PICALM: variants seen among roughly 807,000 people sequenced by gnomAD.
The protein encoded by PICALM is phosphatidylinositol binding clathrin assembly protein.
In PICALM, 40 loss-of-function variants were observed where a neutral mutation model predicts 80.5. The ratio of observed to expected loss-of-function variants is 0.50; its 90% CI spans 0.39 to 0.65. The LOEUF is 0.65. PICALM is among the 30% of genes least tolerant of loss of function. PICALM has a pLI of 0.00. For synonymous variants in PICALM, 288 were observed against 260.3 expected, an observed-to-expected ratio of 1.11 and a Z score of -1.02; for missense variants, 676 against 778.9, an observed-to-expected ratio of 0.87 and a Z score of 1.57.
intron 7 of PICALM, among the ~76,000 whole-genome samples, chr11:86,008,189 AAGAT>A (rs1162203969): frequency 4.6e-5 from 7 of 152,204 alleles, no homozygotes; most frequent in Non-Finnish European, 8.8e-5. Flanking sequence ...CCAGCAAAAA[AAGAT>A]AGAAACGGTT....
At chr11:85,976,512 G>A in intron 18 of PICALM, 111 bp downstream of exon 18, 2 of 677,164 alleles carry the variant, frequency 3.0e-6, no homozygotes, top group Non-Finnish European at 5.4e-6. Flanking sequence ...TTAGGCACTA[G>A]GGCTAGGAGT....
chr11:86,019,148 TA>T (rs2095527100), intron 4 of PICALM, among the ~76,000 whole-genome samples: 1 of 152,178 alleles, frequency 6.6e-6, no homozygotes, highest in African/African-American at 2.4e-5. Flanking sequence ...AAAATCTTAA[TA>T]AATCAAACTT....
At chr11:86,013,914 C>T (rs2095439378) in intron 5 of PICALM, among the ~76,000 whole-genome samples, 1 of 152,124 alleles carries the variant, frequency 6.6e-6, no homozygotes, top group Non-Finnish European at 1.5e-5. Flanking sequence ...GGCTGTGTTC[C>T]AATAATACTA....
chr11:86,050,265 C>T (rs80234261), intron 1 of PICALM, among the ~76,000 whole-genome samples: 3,013 of 150,256 alleles, frequency 0.02, 105 homozygotes, highest in African/African-American at 0.07. Context: ...CACAAAAGGC[C>T]CCCCCAAAAA....
At chr11:86,040,400 C>T (rs936711289) in intron 1 of PICALM, among the ~76,000 whole-genome samples, 2 of 151,728 alleles carry the variant, frequency 1.3e-5, no homozygotes, top group Non-Finnish European at 2.9e-5. Context: ...AGGTCTCCCC[C>T]TCTGTTGCCC....
intron 18 of PICALM, 147 bp from the exon 19 acceptor site, chr11:85,974,959 G>T (rs1353134004): frequency 8.3e-6 from 5 of 605,104 alleles, no homozygotes; most frequent in Non-Finnish European, 1.5e-5. Context: ...AAGACTAACA[G>T]CTACAAACTT....
intron 17 of PICALM, among the ~76,000 whole-genome samples, chr11:85,979,042 T>A (rs1286221275): frequency 6.6e-6 from 1 of 152,144 alleles, no homozygotes; most frequent in East Asian, 1.9e-4. Context: ...AACTTAAATC[T>A]GCTTTTCAAC....
chr11:86,056,597 A>G (rs2096273578), intron 1 of PICALM, among the ~76,000 whole-genome samples: 1 of 152,196 alleles, frequency 6.6e-6, no homozygotes, highest in Non-Finnish European at 1.5e-5. Flanking sequence ...AGTGTCACTG[A>G]TGTGGAAAAC....
At chr11:86,005,144 A>T (rs761390569) in intron 8 of PICALM, among the ~76,000 whole-genome samples, 1 of 152,220 alleles carries the variant, frequency 6.6e-6, no homozygotes, top group Admixed American at 6.5e-5. Flanking sequence ...TCTGTCCAAG[A>T]TCACATATCT....
rs1230673300 is a variant in PICALM at position 85,996,861 on chromosome 11, A to G, written c.1223T>C (p.Met408Thr). 1 of 1,612,220 alleles carries G rather than the reference A, an allele frequency of 6.2e-7. No individual in the cohort carries two copies. Among genetic ancestry groups the G allele is most frequent in the Non-Finnish European group, 8.5e-7 (1 of 1,178,522 alleles). ...QPTFHPSVHP[M>T]STASQVASTW... is the part of the protein sequence containing the mutation. ...ACTTGCTACCTGAGAAGCAGTTGACATAGGATGTACAGATGGGTGAAAAGT... is the reference window on the plus strand; with the variant it reads ...ACTTGCTACCTGAGAAGCAGTTGACGTAGGATGTACAGATGGGTGAAAAGT... Residue 408 changes from methionine (M) to threonine (T), a missense_variant, in exon 12 of 20, where the codon ATG (methionine) becomes ACG (threonine). By Grantham distance (81) the Met-to-Thr change is moderately conservative. This residue lies in a region of PICALM where 391 missense variants were observed against 383.6 expected (regional missense o/e 1.02). Transcript: ENST00000393346.
At chr11:85,997,033 GAA>G in intron 11 of PICALM, 104 bp from the exon 12 acceptor site, 1 of 611,794 alleles carries the variant, frequency 1.6e-6, no homozygotes, top group South Asian at 2.1e-5. Flanking sequence ...AAACAAGGGA[GAA>G]AAGTCTCATT....
intron 13 of PICALM, 147 bp downstream of exon 13, chr11:85,990,103 T>A: frequency 3.1e-6 from 1 of 320,686 alleles, no homozygotes; most frequent in Non-Finnish European, 5.6e-6. Flanking sequence ...TTTAAAAACC[T>A]CACTACATTA....
intron 2 of PICALM, among the ~76,000 whole-genome samples, chr11:86,029,391 T>C (rs1289721550): frequency 2.0e-5 from 3 of 152,152 alleles, no homozygotes; most frequent in East Asian, 1.9e-4. Context: ...CAAACTAGCA[T>C]AAAAACCTGA....
intron 1 of PICALM, among the ~76,000 whole-genome samples, chr11:86,050,381 G>A (rs1484472511): frequency 6.6e-6 from 1 of 151,938 alleles, no homozygotes; most frequent in Admixed American, 6.6e-5. Flanking sequence ...GGTTGTCACT[G>A]GTACACAAAA....
chr11:86,048,233 G>A (rs2137244892), intron 1 of PICALM, among the ~76,000 whole-genome samples: 1 of 152,300 alleles, frequency 6.6e-6, no homozygotes, highest in South Asian at 2.1e-4. Context: ...GCTGCCAGTT[G>A]CAATTCTATA....
chr11:86,050,204 CAAA>C (rs766728047), intron 1 of PICALM, among the ~76,000 whole-genome samples: 2 of 81,812 alleles, frequency 2.4e-5, no homozygotes. Context: ...GACTCTGTCT[CAAA>C]AAAAAAAAAA....
At chr11:86,062,839 A>C (rs1341294419) in intron 1 of PICALM, among the ~76,000 whole-genome samples, 1 of 152,192 alleles carries the variant, frequency 6.6e-6, no homozygotes, top group African/African-American at 2.4e-5. Flanking sequence ...GAAACGTATA[A>C]AGCAGTTTAA....
intron 13 of PICALM, among the ~76,000 whole-genome samples, chr11:85,989,977 T>C (rs952731829): frequency 4.4e-5 from 6 of 136,894 alleles, no homozygotes; most frequent in African/African-American, 1.1e-4. Flanking sequence ...AGCTAGAGTA[T>C]TGCACTATAA....
intron 4 of PICALM, 110 bp from the exon 5 acceptor site, chr11:86,015,073 G>C: frequency 1.5e-6 from 1 of 646,342 alleles, no homozygotes; most frequent in Non-Finnish European, 2.6e-6. Flanking sequence ...GCTATGAAAT[G>C]TCACATATTT....
Sources: gnomAD v4.1 joint callset for allele counts (sites outside exome capture counted in the v4.1 genomes callset) on GRCh38, gnomAD v4.1.1 for gene constraint, gnomAD v4.1.1 regional missense constraint, MANE v1.5 for transcripts, NCBI Gene and HGNC (gene_info 2026-07-23, HGNC 2026-07-21) for gene names.